The following MED15 variants were observed in gnomAD, a reference collection of about 807,000 sequenced individuals.
MED15 encodes mediator of RNA polymerase II transcription subunit 15.
MED15 carries 41 observed loss-of-function variants against 118.7 expected under a neutral mutation model. That is an observed-to-expected ratio of 0.35 (90% CI 0.27 to 0.45). MED15 has a LOEUF of 0.45. Ranked by LOEUF, MED15 falls within the 20% of genes least tolerant of loss-of-function variation. MED15 has a pLI of 1.00. For missense variants in MED15, 740 were observed against 1,025.5 expected (o/e 0.72, Z 3.80); for synonymous variants, 436 against 413.9 (o/e 1.05, Z -0.65).
chr22:20,523,790 C>T (rs142003304), intron 1 of MED15: 9 of 985,392 alleles, frequency 9.1e-6, no homozygotes, highest in Admixed American at 6.1e-5. Flanking sequence ...GAAGGAAGCT[C>T]GTGTATTCTT....
At position 20,543,330 on chromosome 22, in the gene MED15, G is replaced by A. The variant is rs373227208; in HGVS notation, c.156+6126G>A. The stretch of plus-strand genomic sequence containing the variant: ...GGGTTCAGGTGATTATCCTGCCTCA[G>A]CCTCCCAAGTGGCTGGGATTATAGG... On this transcript the variant is annotated intron_variant, in intron 2 of 17. Transcript: ENST00000263205. Among the ~76,000 whole-genome samples the A allele has an allele frequency of 4.4e-3, 640 of 144,144 alleles. 7 individuals are homozygous for A. Among genetic ancestry groups the A allele is most frequent in the African/African-American group, 0.016 (609 of 38,640 alleles). 94.6% of individuals were successfully genotyped at this position (144,144 alleles called of 152,430 possible).
intron 2 of MED15, among the ~76,000 whole-genome samples, chr22:20,545,506 T>C (rs2055496052): frequency 6.6e-6 from 1 of 150,556 alleles, no homozygotes; most frequent in African/African-American, 2.4e-5. Flanking sequence ...AACAAAATGC[T>C]TTAAAATTGA....
At chr22:20,535,357 C>T (rs913433342) in intron 1 of MED15, among the ~76,000 whole-genome samples, 1 of 152,160 alleles carries the variant, frequency 6.6e-6, no homozygotes, top group African/African-American at 2.4e-5. Context: ...ATTAAACCTC[C>T]TTTCTGTGAT....
At chr22:20,524,046 T>C (rs1831469869) in intron 1 of MED15, among the ~76,000 whole-genome samples, 2 of 152,140 alleles carry the variant, frequency 1.3e-5, no homozygotes, top group South Asian at 4.1e-4. Context: ...AATTCTGAAG[T>C]ATATATTTTT....
Position 20,584,956 on chromosome 22 carries a change from C to A in MED15, c.1905C>A (p.Asn635Lys). 1 of 1,614,106 alleles carries A rather than the reference C, an allele frequency of 6.2e-7. No homozygotes were observed. Among genetic ancestry groups the A allele is most frequent in the South Asian group, 1.1e-5 (1 of 91,090 alleles). Residue 635 changes from asparagine (N) to lysine (K), a missense_variant, in exon 15 of 18, where the codon AAC (asparagine) becomes AAA (lysine). Coordinates refer to ENST00000263205, the MANE Select transcript of MED15 (RefSeq NM_001003891.3). The part of the protein sequence containing the change: ...VLANIRSPVF[N>K]HSLYRTFVPA... ...CCAACATCCGCTCACCTGTCTTCAA[C>A]CATTCCCTGTACCGCACATTCGTTC...
At chr22:20,558,245 G>T (rs1187448804) in intron 5 of MED15, among the ~76,000 whole-genome samples, 1 of 152,164 alleles carries the variant, frequency 6.6e-6, no homozygotes, top group Non-Finnish European at 1.5e-5. Flanking sequence ...ATGGGCATTT[G>T]ATACCCCTTC....
At chr22:20,529,367 C>T (rs531302871) in intron 1 of MED15, among the ~76,000 whole-genome samples, 41 of 152,204 alleles carry the variant, frequency 2.7e-4, no homozygotes, top group African/African-American at 9.4e-4. Context: ...CTTGCCTCAG[C>T]TTCCCAAGTA....
chr22:20,572,853 G>A (rs2056709440), intron 8 of MED15, among the ~76,000 whole-genome samples: 1 of 152,176 alleles, frequency 6.6e-6, no homozygotes, highest in Admixed American at 6.5e-5. Context: ...CAAGCCCAGG[G>A]GTTTGAGGCT....
chr22:20,535,624 A>G (rs576863510), intron 1 of MED15, among the ~76,000 whole-genome samples: 3 of 151,374 alleles, frequency 2.0e-5, no homozygotes, highest in Admixed American at 6.6e-5. Flanking sequence ...CAGTGGCGCA[A>G]TCTCCGCTCA....
chr22:20,570,762 T>TTC (rs2056632020), intron 8 of MED15, among the ~76,000 whole-genome samples: 1 of 119,892 alleles, frequency 8.3e-6, no homozygotes, highest in Non-Finnish European at 1.8e-5. Context: ...TTTTTTTTTT[T>TTC]TTTTTTTTTT....
At position 20,510,817 on chromosome 22, in the gene MED15, T is replaced by A. The variant is rs555657702; in HGVS notation, c.68+3071T>A. ...AGAAGCCAGGATAATCTCTTTATTTTAAAGTTTGTAATTTTAATTACATCT... is the reference window on the plus strand; with the variant it reads ...AGAAGCCAGGATAATCTCTTTATTTAAAAGTTTGTAATTTTAATTACATCT... On this transcript the variant is annotated intron_variant, in intron 1 of 17. Transcript: ENST00000263205. Among the ~76,000 whole-genome samples the A allele has an allele frequency of 2.6e-4, 39 of 152,350 alleles. 1 individual carries two copies. The South Asian group carries it at 8.1e-3, about 32-fold the overall frequency.
At chr22:20,537,001 GCTGGCGATAGCAC>G in intron 1 of MED15, 103 bp from the exon 2 acceptor site, 1 of 844,894 alleles carries the variant, frequency 1.2e-6, no homozygotes, top group South Asian at 1.7e-5. Context: ...AGGCTGGTGT[GCTGGCGATAGCAC>G]CTTGTCACCA....
intron 2 of MED15, among the ~76,000 whole-genome samples, chr22:20,543,213 T>C (rs1471827383): frequency 8.5e-6 from 1 of 117,248 alleles, no homozygotes; most frequent in African/African-American, 3.0e-5. Context: ...TTTTTTTTTT[T>C]TTTTTTTTTT....
At chr22:20,570,738 C>CTTTTTTTTTTTTTTTTTT (rs2056622196) in intron 8 of MED15, among the ~76,000 whole-genome samples, 4 of 90,984 alleles carry the variant, frequency 4.4e-5, no homozygotes, top group Non-Finnish European at 6.2e-5. Flanking sequence ...TTCTTTCTTT[C>CTTTTTTTTTTTTTTTTTT]TTTCTTTCTT....
At chr22:20,531,445 C>G (rs1162953069) in intron 1 of MED15, among the ~76,000 whole-genome samples, 4 of 152,204 alleles carry the variant, frequency 2.6e-5, no homozygotes, top group African/African-American at 7.2e-5. Flanking sequence ...GAGGGAGTGC[C>G]TCTCCCAAGA....
chr22:20,527,829 C>T (rs891214527), intron 1 of MED15, among the ~76,000 whole-genome samples: 26 of 151,826 alleles, frequency 1.7e-4, no homozygotes, highest in African/African-American at 4.6e-4. Context: ...TGGTGGCGCG[C>T]GCCTGTAGTC....
intron 5 of MED15, among the ~76,000 whole-genome samples, chr22:20,556,750 CCT>C (rs1237488201): frequency 1.3e-5 from 2 of 152,326 alleles, no homozygotes; most frequent in Admixed American, 1.3e-4. Flanking sequence ...TCTTGTGTTA[CCT>C]CTCAGAGATC....
rs755210247 is a variant in MED15 at position 20,568,516 on chromosome 22, T to C, written c.1042-5T>C. ...CCAAATCACATTCTCTCTTTCTCCCTCAAGGTCCGAGCTCCGATGGTGGTG... is the reference window on the plus strand; with the variant it reads ...CCAAATCACATTCTCTCTTTCTCCCCCAAGGTCCGAGCTCCGATGGTGGTG... On this transcript the variant is annotated splice_region_variant and splice_polypyrimidine_tract_variant and intron_variant, in intron 7 of 17. Transcript: ENST00000263205. The C allele has an allele frequency of 1.2e-6, 2 of 1,613,232 alleles. No homozygotes were observed. Among genetic ancestry groups the C allele is most frequent in the Non-Finnish European group, 1.7e-6 (2 of 1,179,922 alleles).
At position 20,585,775 on chromosome 22, in the gene MED15, G is replaced by A. The variant is rs557174842; in HGVS notation, c.2179G>A (p.Ala727Thr). The part of the protein sequence containing the change: ...SVPPLELSVP[A>T]DYPAQSPLWI... Reference sequence around the variant, plus strand: ...GCCACCACTGGAGCTCAGTGTGCCCGCTGACTATCCTGCCCAAAGCCCGCT... The same window carrying A: ...GCCACCACTGGAGCTCAGTGTGCCCACTGACTATCCTGCCCAAAGCCCGCT... Residue 727 changes from alanine to threonine, a missense_variant, in exon 17 of 18, where the codon GCT becomes ACT. Coordinates refer to ENST00000263205, the MANE Select transcript of MED15 (RefSeq NM_001003891.3). 5 of 1,613,386 alleles carry A rather than the reference G, an allele frequency of 3.1e-6. No homozygotes were observed. The East Asian group carries it at 6.7e-5, about 22-fold the overall frequency.
Sources: gnomAD v4.1 joint callset for allele counts (sites outside exome capture counted in the v4.1 genomes callset) on GRCh38, gnomAD v4.1.1 for gene constraint, MANE v1.5 for transcripts, NCBI Gene and HGNC (gene_info 2026-07-23, HGNC 2026-07-21) for gene names.